The following KLF12 variants were observed in gnomAD, a reference collection of about 807,000 sequenced individuals.
KLF12 encodes KLF transcription factor 12.
In KLF12, 9 loss-of-function variants were observed where a neutral mutation model predicts 37.8. The observed-to-expected ratio is 0.24, with a 90% CI of 0.14 to 0.42. KLF12 has a LOEUF of 0.42. Ranked by LOEUF, KLF12 falls within the 10% of genes least tolerant of loss-of-function variation. The probability of loss-of-function intolerance (pLI) is 1.00; values close to 1 mark genes in which losing one functional copy is unlikely to be tolerated. For missense variants in KLF12, 411 were observed against 516.0 expected, an observed-to-expected ratio of 0.80 and a Z score of 1.97; for synonymous variants, 208 against 202.1, an observed-to-expected ratio of 1.03 and a Z score of -0.25.
At chr13:74,271,646 A>G in the KLF12 span, among the ~76,000 whole-genome samples, 151 of 152,318 alleles carry the variant, frequency 9.9e-4, 1 homozygote, top group African/African-American at 3.4e-3. Flanking sequence ...TTTGCCAACT[A>G]TATCTATCAG....
the KLF12 span, among the ~76,000 whole-genome samples, chr13:74,296,408 A>G: frequency 6.6e-6 from 1 of 152,174 alleles, no homozygotes; most frequent in African/African-American, 2.4e-5. Flanking sequence ...TTTCGTCTTA[A>G]ACATAGATGA....
At chr13:74,069,505 C>G (rs1593873543) in intron 1 of KLF12, among the ~76,000 whole-genome samples, 1 of 152,136 alleles carries the variant, frequency 6.6e-6, no homozygotes, top group Non-Finnish European at 1.5e-5. Context: ...GGTCCAGGTA[C>G]TAAACATCCC....
rs144692979 is a variant in KLF12, at chr13:73,846,132, C to T, written c.365G>A (p.Arg122His). The change falls in exon 4 of 8, where the codon CGT becomes CAT. Residue 122 changes from arginine to histidine, a missense_variant. By Grantham distance (29) the Arg-to-His change is conservative (BLOSUM62 0). Around this residue, in one of 2 missense-constraint regions of KLF12, gnomAD observed 351 missense variants for 397.8 expected, o/e 0.88. Coordinates refer to ENST00000377669, the MANE Select transcript of KLF12 (RefSeq NM_007249.5). The stretch of plus-strand genomic sequence containing the variant: ...GATAACAGTTGGGGATGAGGCTAGA[C>T]GACTAGAAGACGATGAAGAGGTTGA... The T allele has an allele frequency of 3.3e-4, 528 of 1,613,970 alleles. No homozygotes were observed. In the East Asian group the frequency reaches 8.4e-3, roughly 26 times the overall value.
chr13:73,807,484 G>A (rs977312706), intron 5 of KLF12, among the ~76,000 whole-genome samples: 2 of 152,086 alleles, frequency 1.3e-5, no homozygotes, highest in African/African-American at 4.8e-5. Context: ...AAGACGATGA[G>A]CACTTCATAT....
chr13:73,729,417 A>G (rs1158826799), intron 6 of KLF12, among the ~76,000 whole-genome samples: 1 of 152,236 alleles, frequency 6.6e-6, no homozygotes, highest in Non-Finnish European at 1.5e-5. Context: ...AGCACCAAAC[A>G]TAAGCTTAGA....
intron 3 of KLF12, among the ~76,000 whole-genome samples, chr13:73,905,420 T>C (rs911166027): frequency 3.3e-5 from 5 of 151,952 alleles, no homozygotes; most frequent in Non-Finnish European, 7.4e-5. Context: ...AGGCAAGTAA[T>C]AGTACAATAA....
At chr13:74,274,618 C>A in the KLF12 span, among the ~76,000 whole-genome samples, 1 of 151,736 alleles carries the variant, frequency 6.6e-6, no homozygotes, top group African/African-American at 2.4e-5. Context: ...CTCACTCATG[C>A]CAATGTTGTA....
the KLF12 span, among the ~76,000 whole-genome samples, chr13:74,156,000 G>A: frequency 0.39 from 59,385 of 151,982 alleles, 13,665 homozygotes; most frequent in East Asian, 0.79. Context: ...CATGTACATA[G>A]TCTTGGTCCA....
intron 3 of KLF12, among the ~76,000 whole-genome samples, chr13:73,890,852 T>C (rs1302749674): frequency 6.6e-6 from 1 of 152,158 alleles, no homozygotes; most frequent in Non-Finnish European, 1.5e-5. Context: ...AGTCCTTTTC[T>C]GCCTAGAAAG....
intron 1 of KLF12, among the ~76,000 whole-genome samples, chr13:73,998,718 C>T (rs1246892382): frequency 6.6e-6 from 1 of 152,238 alleles, no homozygotes; most frequent in Non-Finnish European, 1.5e-5. Flanking sequence ...TTGCTCTGCG[C>T]ATCAAGGTTT....
intron 1 of KLF12, among the ~76,000 whole-genome samples, chr13:74,069,612 TAAACA>T (rs1286978922): frequency 6.6e-6 from 1 of 152,186 alleles, no homozygotes; most frequent in Non-Finnish European, 1.5e-5. Flanking sequence ...TCATATATTT[TAAACA>T]AAAGAGTGAC....
the KLF12 span, among the ~76,000 whole-genome samples, chr13:74,239,247 C>A: frequency 3.0e-4 from 46 of 151,878 alleles, no homozygotes; most frequent in African/African-American, 1.1e-3. Context: ...GTAGTTGAGC[C>A]GTTTTGAGTG....
chr13:74,255,854 C>A, the KLF12 span, among the ~76,000 whole-genome samples: 1 of 152,084 alleles, frequency 6.6e-6, no homozygotes, highest in East Asian at 1.9e-4. Flanking sequence ...CATCTACTAC[C>A]TTAAAGAAGT....
chr13:73,887,351 G>A (rs1887280012), intron 3 of KLF12, among the ~76,000 whole-genome samples: 1 of 152,202 alleles, frequency 6.6e-6, no homozygotes, highest in South Asian at 2.1e-4. Context: ...CCTGGTGGGA[G>A]CTAACTGGAT....
intron 6 of KLF12, among the ~76,000 whole-genome samples, chr13:73,738,124 T>TAC (rs199524649): frequency 0.031 from 2,530 of 81,624 alleles, 44 homozygotes; most frequent in East Asian, 0.041. Context: ...TATATATATA[T>TAC]ACACACACAC....
At chr13:73,732,996 C>T (rs1877185009) in intron 6 of KLF12, among the ~76,000 whole-genome samples, 1 of 152,136 alleles carries the variant, frequency 6.6e-6, no homozygotes, top group African/African-American at 2.4e-5. Flanking sequence ...CCTACAGGCT[C>T]AACCTCTAAA....
intron 3 of KLF12, among the ~76,000 whole-genome samples, chr13:73,857,409 T>C (rs1456631162): frequency 6.6e-6 from 1 of 152,212 alleles, no homozygotes; most frequent in African/African-American, 2.4e-5. Flanking sequence ...AATAATGACA[T>C]AAAATTTGAG....
In KLF12 at chr13:73,783,604, A is replaced by G. The variant is rs1237219845; in HGVS notation, c.807-18604T>C. Among the ~76,000 whole-genome samples the G allele has an allele frequency of 2.0e-5, 3 of 152,136 alleles. No homozygotes were observed. The East Asian group carries it at 5.8e-4, about 29-fold the overall frequency. ...CCCACGTACCCTATAAATATGTACA[A>G]GTATTATGCATGAATTAAAAAATTT... On this transcript the variant is annotated intron_variant, in intron 5 of 7. Coordinates refer to ENST00000377669, the MANE Select transcript of KLF12 (RefSeq NM_007249.5).
At chr13:74,027,273 T>C (rs536781292) in intron 1 of KLF12, among the ~76,000 whole-genome samples, 1 of 147,926 alleles carries the variant, frequency 6.8e-6, no homozygotes, top group South Asian at 2.1e-4. Context: ...TATCTCCATG[T>C]CTTCTTCTCT....
Sources: allele counts gnomAD v4.1 joint callset (sites outside exome capture counted in the v4.1 genomes callset), GRCh38; gene constraint gnomAD v4.1.1; regional missense constraint gnomAD v4.1.1; transcripts MANE v1.5; gene names NCBI Gene and HGNC (gene_info 2026-07-23, HGNC 2026-07-21).